Variants in PCSK5 observed in about 807,000 individuals in gnomAD.
PCSK5 encodes proprotein convertase subtilisin/kexin type 5, also known as prohormone convertase 5.
Under a neutral mutation model 233.2 loss-of-function variants are expected in PCSK5, and 129 were observed. The observed-to-expected ratio is 0.55, with a 90% CI of 0.48 to 0.64. The LOEUF (loss-of-function observed/expected upper bound fraction) is 0.64, where lower values mean the gene tolerates loss of function less well. PCSK5 is among the 30% of genes least tolerant of loss of function. The pLI, the probability that PCSK5 is intolerant of heterozygous loss-of-function variation, is 0.00. For synonymous variants in PCSK5, 825 were observed against 879.2 expected (o/e 0.94, Z 1.09); for missense variants, 2,076 against 2,430.1 (o/e 0.85, Z 3.06).
intron 2 of PCSK5, among the ~76,000 whole-genome samples, chr9:75,985,599 G>A (rs913712144): frequency 1.3e-5 from 2 of 152,030 alleles, no homozygotes; most frequent in African/African-American, 4.8e-5. Context: ...TATAAACTGT[G>A]GCATGTGGAA....
intron 14 of PCSK5, among the ~76,000 whole-genome samples, chr9:76,179,073 A>G (rs1823736145): frequency 6.6e-6 from 1 of 152,104 alleles, no homozygotes; most frequent in African/African-American, 2.4e-5. Flanking sequence ...TGTGTCTGAG[A>G]CTGGATGCTG....
At chr9:76,005,310 G>A (rs184549911) in intron 3 of PCSK5, among the ~76,000 whole-genome samples, 168 of 152,188 alleles carry the variant, frequency 1.1e-3, no homozygotes, top group African/African-American at 3.9e-3. Context: ...TGATAATACA[G>A]TTAGGTTAAT....
At chr9:76,146,544 G>GTA (rs202140313) in intron 10 of PCSK5, among the ~76,000 whole-genome samples, 3,450 of 150,626 alleles carry the variant, frequency 0.023, 57 homozygotes, top group South Asian at 0.04. Context: ...ATATATATGT[G>GTA]TATATATATA....
chr9:75,912,433 G>T (rs1473092928), intron 1 of PCSK5, among the ~76,000 whole-genome samples: 1 of 152,182 alleles, frequency 6.6e-6, no homozygotes, highest in Non-Finnish European at 1.5e-5. Context: ...GAAGGTTGGT[G>T]CTTTTCACAC....
intron 13 of PCSK5, 37 bp downstream of exon 13, chr9:76,169,877 A>C: frequency 6.3e-7 from 1 of 1,576,042 alleles, no homozygotes; most frequent in African/African-American, 1.3e-5. Flanking sequence ...TCTACTGTGT[A>C]GAAGAAAATG....
At chr9:76,150,356 G>A (rs566589924) in intron 10 of PCSK5, among the ~76,000 whole-genome samples, 99 of 152,268 alleles carry the variant, frequency 6.5e-4, no homozygotes, top group Admixed American at 4.7e-3. Context: ...CCAGGCAGCC[G>A]GGCGCAGTGG....
At chr9:76,206,197 G>A (rs1381739438) in intron 20 of PCSK5, among the ~76,000 whole-genome samples, 1 of 152,166 alleles carries the variant, frequency 6.6e-6, no homozygotes, top group African/African-American at 2.4e-5. Flanking sequence ...TGATGCTGAT[G>A]CTGCTGGTCC....
rs986842830 is a variant in PCSK5 at position 76,153,188 on chromosome 9, A to G, written c.1313-3857A>G. ...TAGGCAAGTTTTGCAAACCTCCTTT[A>G]TTGAAACAGAGCCTGTCCTACCTCA... On this transcript the variant is annotated intron_variant, in intron 10 of 37. Transcript: ENST00000674117. 7.9e-5 allele frequency among the ~76,000 whole-genome samples: 12 copies of G among 152,322 alleles called. No homozygotes were observed. In the South Asian group the frequency reaches 1.9e-3, roughly 24 times the overall value.
intron 4 of PCSK5, 127 bp from the exon 5 acceptor site, chr9:76,026,834 G>A (rs777775262): frequency 5.8e-5 from 35 of 607,598 alleles, no homozygotes; most frequent in Non-Finnish European, 1.5e-5. Context: ...GAACCGTGAG[G>A]TGAGCGTATT....
chr9:76,190,307 T>C (rs1191244118), intron 20 of PCSK5, among the ~76,000 whole-genome samples: 3 of 148,748 alleles, frequency 2.0e-5, no homozygotes, highest in Non-Finnish European at 3.0e-5. Flanking sequence ...GTGAATTACC[T>C]ACTCATCTCT....
chr9:76,329,563 G>A (rs544950192), intron 33 of PCSK5, among the ~76,000 whole-genome samples: 2 of 152,100 alleles, frequency 1.3e-5, no homozygotes, highest in South Asian at 2.1e-4. Flanking sequence ...GGCTGGGCAC[G>A]GTGGCTCACA....
At chr9:75,975,011 T>C (rs1010459499) in intron 2 of PCSK5, among the ~76,000 whole-genome samples, 1 of 152,180 alleles carries the variant, frequency 6.6e-6, no homozygotes, top group African/African-American at 2.4e-5. Context: ...TTCTAAGATT[T>C]TAAATTCTGA....
chr9:76,160,073 G>A (rs932515527), intron 12 of PCSK5, among the ~76,000 whole-genome samples: 4 of 151,826 alleles, frequency 2.6e-5, no homozygotes, highest in African/African-American at 4.8e-5. Flanking sequence ...CATCCGCCTC[G>A]GCCTCCCAAA....
chr9:75,949,409 T>A (rs1824739191), intron 2 of PCSK5, among the ~76,000 whole-genome samples: 1 of 152,094 alleles, frequency 6.6e-6, no homozygotes, highest in Admixed American at 6.5e-5. Context: ...GATTTCCTAT[T>A]TTTCCATGTC....
At chr9:76,180,386 C>A (rs896120820) in intron 15 of PCSK5, among the ~76,000 whole-genome samples, 1 of 152,084 alleles carries the variant, frequency 6.6e-6, no homozygotes, top group African/African-American at 2.4e-5. Context: ...AATGCACAGG[C>A]CAAACTGATG....
chr9:76,032,234 T>A (rs920109859), intron 5 of PCSK5, among the ~76,000 whole-genome samples: 10 of 152,332 alleles, frequency 6.6e-5, no homozygotes, highest in African/African-American at 2.4e-4. Context: ...TTTGGAATTA[T>A]GTCATACTTG....
At chr9:76,224,804 A>C (rs1350917909) in intron 20 of PCSK5, among the ~76,000 whole-genome samples, 2 of 152,246 alleles carry the variant, frequency 1.3e-5, no homozygotes, top group Non-Finnish European at 2.9e-5. Flanking sequence ...AAAGCCAATG[A>C]GAAGGCAAAC....
At chr9:76,343,625 T>C (rs1829899269) in intron 35 of PCSK5, among the ~76,000 whole-genome samples, 1 of 152,116 alleles carries the variant, frequency 6.6e-6, no homozygotes, top group South Asian at 2.1e-4. Context: ...AATTAGTAAC[T>C]ATAAACCTGA....
chr9:76,288,905 C>T (rs1376714507), intron 24 of PCSK5, among the ~76,000 whole-genome samples: 1 of 152,140 alleles, frequency 6.6e-6, no homozygotes, highest in African/African-American at 2.4e-5. Flanking sequence ...GGCCCTCATC[C>T]ATCCAAATTC....
Sources: gnomAD v4.1 joint callset for allele counts (sites outside exome capture counted in the v4.1 genomes callset) on GRCh38, gnomAD v4.1.1 for gene constraint, MANE v1.5 for transcripts, NCBI Gene and HGNC (gene_info 2026-07-23, HGNC 2026-07-21) for gene names.